Variants in UNC5D observed in about 807,000 individuals in gnomAD.
UNC5D encodes the protein unc-5 netrin receptor D.
In UNC5D, 39 loss-of-function variants were observed where a neutral mutation model predicts 105.4. The ratio of observed to expected loss-of-function variants is 0.37; its 90% CI spans 0.29 to 0.48. UNC5D has a LOEUF of 0.48. Among genes scored for constraint, UNC5D ranks in the 20% least tolerant of loss-of-function variants. UNC5D has a pLI of 0.98. For missense variants in UNC5D, 991 were observed against 1,202.4 expected (o/e 0.82, Z 2.60); for synonymous variants, 452 against 450.4 (o/e 1.00, Z -0.04).
chr8:35,477,061 G>T (rs1265389295), intron 1 of UNC5D, among the ~76,000 whole-genome samples: 1 of 152,086 alleles, frequency 6.6e-6, no homozygotes, highest in Non-Finnish European at 1.5e-5. Context: ...CCCCTTGTAG[G>T]TCCTTCTGGT....
At chr8:35,295,622 A>G (rs1344616865) in intron 1 of UNC5D, among the ~76,000 whole-genome samples, 1 of 152,240 alleles carries the variant, frequency 6.6e-6, no homozygotes, top group East Asian at 1.9e-4. Flanking sequence ...AGTGGTAACT[A>G]TCCTACAATC....
At chr8:35,493,296 A>AAAC (rs1811331072) in intron 1 of UNC5D, among the ~76,000 whole-genome samples, 1 of 151,246 alleles carries the variant, frequency 6.6e-6, no homozygotes, top group African/African-American at 2.4e-5. Context: ...AAAAAAAAAA[A>AAAC]AAAAAAAACA....
In UNC5D at chr8:35,587,034, A is replaced by G. The variant is rs371601706; in HGVS notation, c.467-8520A>G. The stretch of plus-strand genomic sequence containing the variant: ...GCTGCTTCCCAAGGTCTAGCCCCAG[A>G]TATACTACTTATTGGCAGGTACTGC... On this transcript the variant is annotated intron_variant, in intron 3 of 16. Transcript: ENST00000404895. Among the ~76,000 whole-genome samples the G allele has an allele frequency of 5.3e-5, 8 of 152,304 alleles. 1 individual carries two copies. Among genetic ancestry groups the G allele is most frequent in the African/African-American group, 1.7e-4 (7 of 41,566 alleles).
chr8:35,570,557 CT>C (rs774862826), intron 3 of UNC5D, among the ~76,000 whole-genome samples: 13 of 152,046 alleles, frequency 8.6e-5, no homozygotes, highest in Non-Finnish European at 1.5e-4. Flanking sequence ...TTTTAGTAAC[CT>C]AGTAATTTTT....
intron 1 of UNC5D, among the ~76,000 whole-genome samples, chr8:35,244,228 G>A (rs1209565020): frequency 6.6e-6 from 1 of 152,188 alleles, no homozygotes; most frequent in Non-Finnish European, 1.5e-5. Context: ...ACCTAAACAG[G>A]TAGTGATAAA....
chr8:35,248,943 TTATA>T (rs1803449384), intron 1 of UNC5D, among the ~76,000 whole-genome samples: 1 of 94,378 alleles, frequency 1.1e-5, no homozygotes, highest in South Asian at 3.0e-4. Context: ...ATATAATATA[TTATA>T]TATAAACATA....
At chr8:35,369,994 T>G (rs1195218129) in intron 1 of UNC5D, among the ~76,000 whole-genome samples, 1 of 152,224 alleles carries the variant, frequency 6.6e-6, no homozygotes, top group East Asian at 1.9e-4. Context: ...CTTGGAAGTA[T>G]TATATATGAT....
intron 8 of UNC5D, among the ~76,000 whole-genome samples, chr8:35,706,520 G>T (rs541268051): frequency 6.6e-6 from 1 of 152,184 alleles, no homozygotes; most frequent in Admixed American, 6.5e-5. Context: ...GCTGGAGAGA[G>T]GAGATGGCTG....
At chr8:35,727,376 C>T (rs1828932519) in intron 10 of UNC5D, 1 of 152,156 alleles carries the variant, frequency 6.6e-6, no homozygotes, top group African/African-American at 2.4e-5. Context: ...TATCAAACAA[C>T]AGGTCAGCAT....
chr8:35,744,690 T>C (rs1192955463), intron 11 of UNC5D, among the ~76,000 whole-genome samples: 1 of 152,140 alleles, frequency 6.6e-6, no homozygotes, highest in Non-Finnish European at 1.5e-5. Flanking sequence ...AACAAGTATT[T>C]TTGAGTGCTT....
At chr8:35,766,341 C>G (rs905322520) in intron 14 of UNC5D, among the ~76,000 whole-genome samples, 1 of 151,968 alleles carries the variant, frequency 6.6e-6, no homozygotes, top group Non-Finnish European at 1.5e-5. Context: ...CTCCCTCTTT[C>G]TCTCCCTGGC....
chr8:35,235,527 A>C lies in UNC5D; in HGVS notation c.-258A>C. ...GAGGGCTGGGAACTGCGCGGCGGGGACTGCGGGCGACTCCGGCATCCGCGC... is the reference window on the plus strand; with the variant it reads ...GAGGGCTGGGAACTGCGCGGCGGGGCCTGCGGGCGACTCCGGCATCCGCGC... On this transcript the variant is annotated 5_prime_UTR_variant, in exon 1 of 17. Transcript: ENST00000404895. 3.0e-6 allele frequency: 1 copy of C among 336,984 alleles called. No individual in the cohort carries two copies. Among genetic ancestry groups the C allele is most frequent in the Non-Finnish European group, 5.3e-6 (1 of 187,420 alleles). 20.9% of individuals were successfully genotyped at this position (336,984 alleles called of 1,614,324 possible).
intron 1 of UNC5D, among the ~76,000 whole-genome samples, chr8:35,452,554 G>A (rs1312994250): frequency 5.3e-5 from 8 of 152,042 alleles, no homozygotes; most frequent in East Asian, 1.9e-4. Context: ...GTGAGCCACC[G>A]TGCCCGGCCT....
intron 13 of UNC5D, 37 bp downstream of exon 13, chr8:35,750,846 T>C: frequency 6.2e-7 from 1 of 1,608,702 alleles, no homozygotes; most frequent in Non-Finnish European, 8.5e-7. Context: ...TTTGGTGTCA[T>C]GAAAGTGTGT....
intron 1 of UNC5D, among the ~76,000 whole-genome samples, chr8:35,473,598 T>C (rs1809888723): frequency 6.6e-6 from 1 of 152,236 alleles, no homozygotes. Flanking sequence ...GCACATCTAA[T>C]CATTCACCTT....
chr8:35,238,952 C>G (rs1410382917), intron 1 of UNC5D, among the ~76,000 whole-genome samples: 3 of 152,210 alleles, frequency 2.0e-5, no homozygotes, highest in African/African-American at 7.2e-5. Flanking sequence ...TTTACTTCTT[C>G]TGTTCCTTTT....
chr8:35,279,293 A>C (rs921815660), intron 1 of UNC5D, among the ~76,000 whole-genome samples: 1 of 152,234 alleles, frequency 6.6e-6, no homozygotes, highest in Non-Finnish European at 1.5e-5. Flanking sequence ...AAACAAACTC[A>C]AAAGGAATAT....
intron 1 of UNC5D, among the ~76,000 whole-genome samples, chr8:35,522,251 C>A (rs1813536448): frequency 6.6e-6 from 1 of 152,166 alleles, no homozygotes; most frequent in Non-Finnish European, 1.5e-5. Context: ...TGTCTAAAAT[C>A]TGATTTGGGG....
chr8:35,388,356 C>T (rs1259661910), intron 1 of UNC5D, among the ~76,000 whole-genome samples: 1 of 151,762 alleles, frequency 6.6e-6, no homozygotes, highest in Non-Finnish European at 1.5e-5. Context: ...CGAGTGAAAC[C>T]CCATCTCGAA....
Sources: allele counts gnomAD v4.1 joint callset (sites outside exome capture counted in the v4.1 genomes callset), GRCh38; gene constraint gnomAD v4.1.1; transcripts MANE v1.5; gene names NCBI Gene and HGNC (gene_info 2026-07-23, HGNC 2026-07-21).